Variants in SLCO2A1 observed in about 807,000 individuals in gnomAD.
The protein encoded by SLCO2A1 is matrin F/G 1.
SLCO2A1 carries 60 observed loss-of-function variants against 71.7 expected under a neutral mutation model. That is an observed-to-expected ratio of 0.84 (90% CI 0.68 to 1.04). The LOEUF (loss-of-function observed/expected upper bound fraction) is 1.04, where lower values mean the gene tolerates loss of function less well. Among genes scored for constraint, SLCO2A1 ranks in the 50% least tolerant of loss-of-function variants. The pLI is 0.00. For missense variants in SLCO2A1, 745 were observed against 813.4 expected (o/e 0.92, Z 1.02); for synonymous variants, 308 against 326.7 (o/e 0.94, Z 0.62).
chr3:133,991,053 T>C (rs539656726), intron 1 of SLCO2A1, among the ~76,000 whole-genome samples: 140 of 152,072 alleles, frequency 9.2e-4, no homozygotes, highest in Middle Eastern at 3.4e-3. Flanking sequence ...GAGACTGCAG[T>C]GAGCCAAGAT....
chr3:133,938,460 G>T lies in SLCO2A1; in HGVS notation c.1659C>A (p.Ile553=), dbSNP rs766028551. The part of the protein sequence containing the change: ...VVNQEEKSFA[I]GVQFLLMRLL... ...AGCGCATCAACAAGAACTGCACCCC[G>T]ATGGCAAATGACTTTTCCTCCTGGT... The change falls in exon 12 of 14, where the codon ATC becomes ATA. Residue 553 remains isoleucine (I), a synonymous_variant. Coordinates refer to ENST00000310926, the MANE Select transcript of SLCO2A1 (RefSeq NM_005630.3). The T allele has an allele frequency of 6.2e-7, 1 of 1,614,082 alleles. No individual in the cohort carries two copies. Among genetic ancestry groups the T allele is most frequent in the Non-Finnish European group, 8.5e-7 (1 of 1,180,008 alleles).
intron 9 of SLCO2A1, among the ~76,000 whole-genome samples, chr3:133,946,836 C>T (rs538762403): frequency 6.6e-5 from 10 of 152,130 alleles, no homozygotes; most frequent in Middle Eastern, 3.4e-3. Flanking sequence ...AAAAGTGGGC[C>T]GGGCGGGGTG....
At chr3:133,985,394 A>C (rs1369846825) in intron 1 of SLCO2A1, among the ~76,000 whole-genome samples, 1 of 151,992 alleles carries the variant, frequency 6.6e-6, no homozygotes, top group East Asian at 1.9e-4. Flanking sequence ...AGATGCTAGC[A>C]CTCTCCAGAA....
At chr3:133,983,606 C>T (rs759037250) in intron 1 of SLCO2A1, among the ~76,000 whole-genome samples, 3 of 152,238 alleles carry the variant, frequency 2.0e-5, no homozygotes, top group Non-Finnish European at 4.4e-5. Context: ...AGTGCCTTTG[C>T]TCACAGTCTT....
chr3:133,940,766 G>T (rs569758149), intron 11 of SLCO2A1, among the ~76,000 whole-genome samples: 1 of 152,324 alleles, frequency 6.6e-6, no homozygotes, highest in East Asian at 1.9e-4. Context: ...CACGCCGTGG[G>T]TTCCAAGCAT....
At chr3:133,966,067 C>G (rs1934156834) in intron 3 of SLCO2A1, among the ~76,000 whole-genome samples, 1 of 152,186 alleles carries the variant, frequency 6.6e-6, no homozygotes, top group Non-Finnish European at 1.5e-5. Context: ...TGCCTGAGGG[C>G]AGTAGTGGGC....
chr3:133,975,327 C>T (rs1934418513), intron 2 of SLCO2A1, among the ~76,000 whole-genome samples: 1 of 152,214 alleles, frequency 6.6e-6, no homozygotes, highest in African/African-American at 2.4e-5. Flanking sequence ...CGAACATCAT[C>T]TTGACTTCTC....
intron 9 of SLCO2A1, among the ~76,000 whole-genome samples, 174 bp downstream of exon 9, chr3:133,947,082 C>T (rs1283186481): frequency 6.6e-6 from 1 of 150,892 alleles, no homozygotes; most frequent in Admixed American, 6.6e-5. Flanking sequence ...TGCAGTGAGC[C>T]AAGATCACGC....
intron 1 of SLCO2A1, 78 bp downstream of exon 1, chr3:134,029,629 G>C: frequency 1.6e-6 from 2 of 1,244,796 alleles, no homozygotes; most frequent in Non-Finnish European, 2.2e-6. Flanking sequence ...TCCTGGCTCC[G>C]GCAGACAGAA....
chr3:134,024,571 C>T (rs1205496448), intron 1 of SLCO2A1, among the ~76,000 whole-genome samples: 1 of 152,196 alleles, frequency 6.6e-6, no homozygotes, highest in African/African-American at 2.4e-5. Context: ...TTAACCCAGA[C>T]TGTGGGGCTC....
chr3:133,984,420 G>T (rs909064613), intron 1 of SLCO2A1, among the ~76,000 whole-genome samples: 5 of 152,170 alleles, frequency 3.3e-5, no homozygotes, highest in Admixed American at 1.3e-4. Flanking sequence ...GGACCCCTTG[G>T]TTCCAGTGGA....
intron 1 of SLCO2A1, among the ~76,000 whole-genome samples, chr3:133,988,893 A>G (rs1934773943): frequency 6.6e-6 from 1 of 152,254 alleles, no homozygotes; most frequent in South Asian, 2.1e-4. Flanking sequence ...ACTTCCTAAA[A>G]GAGAAAACAT....
chr3:134,019,128 C>T (rs1485639084), intron 1 of SLCO2A1, among the ~76,000 whole-genome samples: 3 of 152,168 alleles, frequency 2.0e-5, no homozygotes, highest in African/African-American at 7.2e-5. Context: ...CAGTGTTAAA[C>T]AGCATAGTGT....
intron 3 of SLCO2A1, among the ~76,000 whole-genome samples, chr3:133,958,594 A>C (rs1933949769): frequency 6.6e-6 from 1 of 152,214 alleles, no homozygotes; most frequent in Admixed American, 6.5e-5. Flanking sequence ...TCAAACATTT[A>C]TACAAACCCA....
At chr3:134,028,255 CCTTT>C in intron 1 of SLCO2A1, among the ~76,000 whole-genome samples, 1 of 152,092 alleles carries the variant, frequency 6.6e-6, no homozygotes. Context: ...TGCAGAGGCC[CCTTT>C]CTTTACACCA....
chr3:134,020,234 G>A (rs898561117), intron 1 of SLCO2A1, among the ~76,000 whole-genome samples: 2 of 152,116 alleles, frequency 1.3e-5, no homozygotes, highest in Admixed American at 6.5e-5. Flanking sequence ...TAGCGAGCTC[G>A]GCTCTTAAGA....
Position 133,950,287 on chromosome 3 carries a change from C to T in SLCO2A1, c.861+921G>A, listed in dbSNP as rs142920377. On this transcript the variant is annotated intron_variant, in intron 6 of 13. Coordinates refer to ENST00000310926, the MANE Select transcript of SLCO2A1 (RefSeq NM_005630.3). ...CCTCCCACCCCTGCCCCTCTCCCCC[C>T]GGCTGGGCCTAGATTTTATATACCT... Among the ~76,000 whole-genome samples the T allele has an allele frequency of 2.1e-3, 315 of 152,296 alleles. 1 individual carries two copies. The highest frequency in any genetic ancestry group is 7.1e-3 in the African/African-American group (295 of 41,570).
At chr3:133,999,787 T>A (rs560187778) in intron 1 of SLCO2A1, among the ~76,000 whole-genome samples, 1 of 152,082 alleles carries the variant, frequency 6.6e-6, no homozygotes, top group African/African-American at 2.4e-5. Context: ...TGAAAAAGAT[T>A]GAGTTAGTCT....
At position 134,022,048 on chromosome 3, in the gene SLCO2A1, T is replaced by C. The variant is rs540242408; in HGVS notation, c.96+7659A>G. Among the ~76,000 whole-genome samples the C allele has an allele frequency of 1.2e-3, 175 of 149,788 alleles. 2 individuals are homozygous for C. Among genetic ancestry groups the C allele is most frequent in the Non-Finnish European group, 1.9e-3 (129 of 67,626 alleles). ...CTCATTGTGAGCACACCTCACCAGT[T>C]CAGAAGTATCCTAAAGGAAAAAAAA... On this transcript the variant is annotated intron_variant, in intron 1 of 13. Coordinates refer to ENST00000310926, the MANE Select transcript of SLCO2A1 (RefSeq NM_005630.3).
Sources: gnomAD v4.1 joint callset for allele counts (sites outside exome capture counted in the v4.1 genomes callset) on GRCh38, gnomAD v4.1.1 for gene constraint, MANE v1.5 for transcripts, NCBI Gene and HGNC (gene_info 2026-07-23, HGNC 2026-07-21) for gene names.